ELF1: variants seen among roughly 807,000 people sequenced by gnomAD.
ELF1 encodes ETS-related transcription factor Elf-1.
In ELF1, 24 loss-of-function variants were observed where a neutral mutation model predicts 59.9. That is an observed-to-expected ratio of 0.40 (90% CI 0.29 to 0.56). ELF1 has a LOEUF of 0.56. Among genes scored for constraint, ELF1 ranks in the 20% least tolerant of loss-of-function variants. The pLI is 0.44. For synonymous variants in ELF1, 248 were observed against 266.2 expected (o/e 0.93, Z 0.67); for missense variants, 627 against 742.2 (o/e 0.84, Z 1.80).
intron 1 of ELF1, among the ~76,000 whole-genome samples, chr13:40,987,084 C>T (rs1189830200): frequency 1.3e-5 from 2 of 150,104 alleles, no homozygotes; most frequent in Admixed American, 6.6e-5. Flanking sequence ...TACAGGCGCC[C>T]GCCACCACGC....
At chr13:41,022,285 A>C (rs563799521), upstream of ELF1, among the ~76,000 whole-genome samples, 1 of 152,356 alleles carries the variant, frequency 6.6e-6, no homozygotes, top group South Asian at 2.1e-4. Context: ...ACCTAAAAGC[A>C]TTAGGCTGAA....
At chr13:41,057,133 T>C (rs1036234891) in intron 1 of ELF1, among the ~76,000 whole-genome samples, 6 of 147,234 alleles carry the variant, frequency 4.1e-5, no homozygotes, top group African/African-American at 1.5e-4. Flanking sequence ...TCTGCAAACA[T>C]TTACTGAACT....
intron 1 of ELF1, among the ~76,000 whole-genome samples, chr13:41,043,720 T>C (rs898693684): frequency 6.6e-6 from 1 of 152,224 alleles, no homozygotes; most frequent in Non-Finnish European, 1.5e-5. Flanking sequence ...TAGTATAGTT[T>C]GAAGTCAGGT....
chr13:41,034,124 C>T (rs1876279299), intron 1 of ELF1, among the ~76,000 whole-genome samples: 1 of 151,950 alleles, frequency 6.6e-6, no homozygotes, highest in African/African-American at 2.4e-5. Flanking sequence ...CACAAGAAAA[C>T]AAGAGATATA....
chr13:40,942,945 C>A lies in ELF1; in HGVS notation c.806+7G>T. 1 of 1,546,514 alleles carries A rather than the reference C, an allele frequency of 6.5e-7. No homozygotes were observed. Among genetic ancestry groups the A allele is most frequent in the South Asian group, 1.2e-5 (1 of 80,884 alleles). Reference sequence around the variant, plus strand: ...TTAACACAATAAAATACCAAAACTTCGCATACCTGAGTGCTCTTCCCATGG... The same window carrying A: ...TTAACACAATAAAATACCAAAACTTAGCATACCTGAGTGCTCTTCCCATGG... On this transcript the variant is annotated splice_region_variant and intron_variant, in intron 7 of 8. Coordinates refer to ENST00000239882, the MANE Select transcript of ELF1 (RefSeq NM_172373.4).
intron 1 of ELF1, among the ~76,000 whole-genome samples, chr13:41,039,921 G>A (rs183786977): frequency 6.6e-6 from 1 of 152,274 alleles, no homozygotes; most frequent in African/African-American, 2.4e-5. Flanking sequence ...CAAAAGAAAT[G>A]TAGTCATACA....
At chr13:40,937,702 C>T (rs1043996003) in intron 8 of ELF1, among the ~76,000 whole-genome samples, 3 of 152,226 alleles carry the variant, frequency 2.0e-5, no homozygotes, top group African/African-American at 7.2e-5. Context: ...AACTCCTGAC[C>T]TCGTGATTCA....
chr13:40,954,140 C>T (rs1871043143), intron 3 of ELF1, among the ~76,000 whole-genome samples: 1 of 152,180 alleles, frequency 6.6e-6, no homozygotes, highest in South Asian at 2.1e-4. Flanking sequence ...GTCCAATTCC[C>T]TCACTGGTAA....
In ELF1 at chr13:40,948,612, A is replaced by T. The variant is rs1870650629; in HGVS notation, c.529+1194T>A. ...GGGTGGTGATGCTATTAATCAAGACATTATACTCAAAATACTAAGCAAGCA... is the reference window on the plus strand; with the variant it reads ...GGGTGGTGATGCTATTAATCAAGACTTTATACTCAAAATACTAAGCAAGCA... On this transcript the variant is annotated intron_variant, in intron 5 of 8. Transcript: ENST00000239882. 2.0e-5 allele frequency among the ~76,000 whole-genome samples: 3 copies of T among 152,224 alleles called. No individual in the cohort carries two copies. In the South Asian group the frequency reaches 6.2e-4, roughly 32 times the overall value.
At chr13:40,969,129 T>C (rs569991255) in intron 2 of ELF1, among the ~76,000 whole-genome samples, 1 of 152,204 alleles carries the variant, frequency 6.6e-6, no homozygotes, top group African/African-American at 2.4e-5. Context: ...AAGAACATCA[T>C]AGTTTTACTG....
intron 3 of ELF1, among the ~76,000 whole-genome samples, chr13:40,955,372 TG>T (rs1289246390): frequency 1.7e-5 from 2 of 116,636 alleles, no homozygotes; most frequent in South Asian, 3.0e-4. Flanking sequence ...GGGAGGGAGA[TG>T]GGGGGGTCAT....
At chr13:40,946,977 C>G (rs1379455112) in intron 5 of ELF1, among the ~76,000 whole-genome samples, 1 of 152,078 alleles carries the variant, frequency 6.6e-6, no homozygotes, top group Non-Finnish European at 1.5e-5. Flanking sequence ...TTCTGGCTTC[C>G]CTCTTTTAGC....
chr13:41,053,211 G>A (rs757190256), intron 1 of ELF1, among the ~76,000 whole-genome samples: 3 of 151,894 alleles, frequency 2.0e-5, no homozygotes, highest in Admixed American at 6.6e-5. Flanking sequence ...AAAATTAGCC[G>A]GGTATGGTGG....
chr13:40,986,254 T>C lies in ELF1; in HGVS notation c.-228-3972A>G, dbSNP rs546318497. Reference sequence around the variant, plus strand: ...TGTGACAGAAGACTGGACAAGTTACTTGCTTGGTGTCTCAGTCCCCTCTTT... The same window carrying C: ...TGTGACAGAAGACTGGACAAGTTACCTGCTTGGTGTCTCAGTCCCCTCTTT... On this transcript the variant is annotated intron_variant, in intron 1 of 8. Transcript: ENST00000239882. 7.2e-5 allele frequency among the ~76,000 whole-genome samples: 11 copies of C among 152,324 alleles called. No homozygotes were observed. In the South Asian group the frequency reaches 2.1e-3, roughly 29 times the overall value.
At chr13:41,045,183 C>G (rs1359905363) in intron 1 of ELF1, among the ~76,000 whole-genome samples, 3 of 150,722 alleles carry the variant, frequency 2.0e-5, no homozygotes, top group Non-Finnish European at 3.0e-5. Flanking sequence ...ATTCTTCTCT[C>G]TTTTCTTCAT....
intron 2 of ELF1, among the ~76,000 whole-genome samples, chr13:40,976,827 G>A (rs1872937487): frequency 6.6e-6 from 1 of 152,186 alleles, no homozygotes; most frequent in East Asian, 1.9e-4. Flanking sequence ...TTACAGGCAT[G>A]AGCCACTGCA....
At chr13:40,993,307 T>C in intron 1 of ELF1, 3 of 1,531,252 alleles carry the variant, frequency 2.0e-6, no homozygotes, top group South Asian at 2.2e-5. Context: ...TGTTCCTTCA[T>C]TTTGGGACTG....
At chr13:41,037,583 T>G (rs1360247517) in intron 1 of ELF1, among the ~76,000 whole-genome samples, 1 of 151,922 alleles carries the variant, frequency 6.6e-6, no homozygotes. Context: ...GATCATGAGG[T>G]CAGGAGTTTG....
At chr13:41,011,226 G>T (rs1306882117) in intron 1 of ELF1, among the ~76,000 whole-genome samples, 1 of 152,168 alleles carries the variant, frequency 6.6e-6, no homozygotes, top group South Asian at 2.1e-4. Flanking sequence ...GTTTTGAAAT[G>T]TGTTTTTGAG....
Sources: allele counts gnomAD v4.1 joint callset (sites outside exome capture counted in the v4.1 genomes callset), GRCh38; gene constraint gnomAD v4.1.1; transcripts MANE v1.5; gene names NCBI Gene and HGNC (gene_info 2026-07-23, HGNC 2026-07-21).